Variants in CDH13 observed in about 807,000 individuals in gnomAD.
CDH13 encodes the protein cadherin 13.
A neutral mutation model predicts 63.8 loss-of-function variants in CDH13; 24 were observed. That is an observed-to-expected ratio of 0.38 (90% CI 0.27 to 0.53). The LOEUF (loss-of-function observed/expected upper bound fraction) is 0.53, where lower values mean the gene tolerates loss of function less well. Ranked by LOEUF, CDH13 falls within the 20% of genes least tolerant of loss-of-function variation. CDH13 has a pLI of 0.85. For synonymous variants in CDH13, 503 were observed against 355.3 expected, an observed-to-expected ratio of 1.42 and a Z score of -4.67; for missense variants, 1,049 against 903.1, an observed-to-expected ratio of 1.16 and a Z score of -2.07.
intron 2 of CDH13, among the ~76,000 whole-genome samples, chr16:82,935,097 A>T (rs1198580420): frequency 3.9e-5 from 6 of 152,202 alleles, no homozygotes; most frequent in Non-Finnish European, 4.4e-5. Flanking sequence ...TGGGTGATTT[A>T]TAAAGTAAAG....
intron 1 of CDH13, among the ~76,000 whole-genome samples, chr16:82,679,619 A>T (rs1433275240): frequency 1.3e-5 from 2 of 152,198 alleles, no homozygotes; most frequent in Non-Finnish European, 2.9e-5. Flanking sequence ...TGGTTTTGGA[A>T]TCTGTCTCTG....
At chr16:82,854,285 C>T (rs1229585268) in intron 1 of CDH13, among the ~76,000 whole-genome samples, 5 of 151,464 alleles carry the variant, frequency 3.3e-5, no homozygotes, top group Non-Finnish European at 5.9e-5. Context: ...CCTGCAGTCA[C>T]AGCTACTTGG....
At chr16:83,010,510 A>G (rs983743960) in intron 2 of CDH13, among the ~76,000 whole-genome samples, 9 of 152,094 alleles carry the variant, frequency 5.9e-5, no homozygotes, top group Admixed American at 2.6e-4. Flanking sequence ...CCTTTTGAGC[A>G]CTTAATGAAG....
At chr16:82,636,830 A>G (rs192086966) in intron 1 of CDH13, among the ~76,000 whole-genome samples, 1 of 152,218 alleles carries the variant, frequency 6.6e-6, no homozygotes, top group South Asian at 2.1e-4. Flanking sequence ...TACTCCCGTC[A>G]TGGGCAATTT....
rs1435172276 is a variant in CDH13, at chr16:83,784,010, T to G, written c.2134+538T>G. Among the ~76,000 whole-genome samples, 4 of 152,198 alleles carry G rather than the reference T, an allele frequency of 2.6e-5. No homozygotes were observed. The East Asian group carries it at 7.7e-4, about 29-fold the overall frequency. ...GAAACATTGTTTTTAACAAATGAAT[T>G]ATTATGCCAAGTAGTATAGATGTGA... On this transcript the variant is annotated intron_variant, in intron 13 of 13. Transcript: ENST00000567109.
chr16:82,980,768 C>T (rs1910155331), intron 2 of CDH13, among the ~76,000 whole-genome samples: 1 of 152,174 alleles, frequency 6.6e-6, no homozygotes, highest in Non-Finnish European at 1.5e-5. Flanking sequence ...CAAGAACCTC[C>T]TTGTCTTCTC....
intron 1 of CDH13, among the ~76,000 whole-genome samples, chr16:82,834,548 A>ACCCACAGCCCACAGCCCACAG (rs200512363): frequency 6.6e-6 from 1 of 151,966 alleles, no homozygotes; most frequent in African/African-American, 2.4e-5. Context: ...CTTTGCAGCC[A>ACCCACAGCCCACAGCCCACAG]CCCACAGCCC....
intron 7 of CDH13, among the ~76,000 whole-genome samples, chr16:83,494,380 A>G (rs2074088499): frequency 1.3e-5 from 2 of 152,328 alleles, no homozygotes; most frequent in South Asian, 4.1e-4. Context: ...GAGATTTTCC[A>G]GTTATTGAAC....
chr16:83,452,863 T>C (rs2072921667), intron 6 of CDH13, among the ~76,000 whole-genome samples: 1 of 152,212 alleles, frequency 6.6e-6, no homozygotes, highest in South Asian at 2.1e-4. Context: ...TTAGTCTCAG[T>C]CAGTTTCCCC....
chr16:82,760,980 C>G (rs2034816241), intron 1 of CDH13, among the ~76,000 whole-genome samples: 1 of 149,138 alleles, frequency 6.7e-6, no homozygotes, highest in Admixed American at 6.8e-5. Flanking sequence ...TCCCACCAGC[C>G]TCCACCTCCA....
At chr16:83,197,032 A>G (rs1004056405) in intron 4 of CDH13, among the ~76,000 whole-genome samples, 2 of 152,202 alleles carry the variant, frequency 1.3e-5, no homozygotes, top group Non-Finnish European at 1.5e-5. Flanking sequence ...AACTGAAAAC[A>G]ACCCAGATGT....
intron 3 of CDH13, among the ~76,000 whole-genome samples, chr16:83,090,860 G>A (rs970733656): frequency 1.3e-5 from 2 of 150,340 alleles, no homozygotes; most frequent in Admixed American, 1.3e-4. Context: ...CTGTGGTGGT[G>A]TGAAATCTGT....
In CDH13 at chr16:83,368,884, T is replaced by TA. The variant is rs2091304865; in HGVS notation, c.781+23878_781+23879insA. 5.5e-4 allele frequency among the ~76,000 whole-genome samples: 26 copies of TA among 47,688 alleles called. 1 individual carries two copies. The highest frequency in any genetic ancestry group is 8.8e-4 in the African/African-American group (20 of 22,714). The allele number at this position is 47,688 out of a possible 152,430, so 31.3% of individuals were successfully genotyped here. ...TATGGCTGAGTAGTAGTATTCCATG[T>TA]TATATATATATATATATATATATAT... On this transcript the variant is annotated intron_variant, in intron 6 of 13. Transcript: ENST00000567109.
chr16:82,979,280 G>A (rs951864325), intron 2 of CDH13, among the ~76,000 whole-genome samples: 2 of 152,172 alleles, frequency 1.3e-5, no homozygotes, highest in African/African-American at 4.8e-5. Context: ...GTTAATGCTG[G>A]ACTGAGTTAT....
At chr16:83,527,911 A>T (rs1430986595) in intron 7 of CDH13, among the ~76,000 whole-genome samples, 3 of 152,234 alleles carry the variant, frequency 2.0e-5, no homozygotes, top group African/African-American at 7.2e-5. Flanking sequence ...CTTAAGTACC[A>T]ACAAAACTTC....
chr16:83,634,757 T>G (rs957220556), intron 8 of CDH13, among the ~76,000 whole-genome samples: 6 of 152,160 alleles, frequency 3.9e-5, no homozygotes, highest in Non-Finnish European at 7.3e-5. Context: ...AGTACTCACA[T>G]CAGCCGATAG....
At chr16:82,849,025 G>T (rs2039377319) in intron 1 of CDH13, among the ~76,000 whole-genome samples, 1 of 152,124 alleles carries the variant, frequency 6.6e-6, no homozygotes, top group African/African-American at 2.4e-5. Context: ...AAGTTTTAGT[G>T]GTCTGAATAG....
At chr16:83,750,284 A>G (rs1026270913) in intron 11 of CDH13, among the ~76,000 whole-genome samples, 15 of 152,104 alleles carry the variant, frequency 9.9e-5, no homozygotes, top group Non-Finnish European at 2.2e-4. Flanking sequence ...TGACAGAGTG[A>G]GACTCCATCT....
chr16:82,888,169 G>T (rs759564332), intron 2 of CDH13, among the ~76,000 whole-genome samples: 1 of 152,188 alleles, frequency 6.6e-6, no homozygotes. Context: ...CATACATAGT[G>T]TGTAGGTGCT....
Sources: gnomAD v4.1 joint callset for allele counts (sites outside exome capture counted in the v4.1 genomes callset) on GRCh38, gnomAD v4.1.1 for gene constraint, MANE v1.5 for transcripts, NCBI Gene and HGNC (gene_info 2026-07-23, HGNC 2026-07-21) for gene names.